Variants in ATP9B observed in about 807,000 individuals in gnomAD.
ATP9B encodes ATPase phospholipid transporting 9B, also known as probable phospholipid-transporting ATPase IIB.
In ATP9B, 110 loss-of-function variants were observed where a neutral mutation model predicts 146.1. The observed-to-expected ratio is 0.75, with a 90% CI of 0.65 to 0.88. ATP9B has a LOEUF of 0.88. ATP9B is among the 40% of genes least tolerant of loss of function. The pLI is 0.00. For missense variants in ATP9B, 1,499 were observed against 1,496.4 expected (o/e 1.00, Z -0.03); for synonymous variants, 604 against 569.7 (o/e 1.06, Z -0.86).
intron 19 of ATP9B, among the ~76,000 whole-genome samples, chr18:79,338,929 T>C (rs2096841655): frequency 6.6e-6 from 1 of 152,178 alleles, no homozygotes; most frequent in Admixed American, 6.5e-5. Context: ...CAACTTCAGT[T>C]AAAAAATACA....
intron 1 of ATP9B, among the ~76,000 whole-genome samples, chr18:79,076,589 G>A (rs1439497037): frequency 6.6e-6 from 1 of 151,886 alleles, no homozygotes; most frequent in African/African-American, 2.4e-5. Context: ...TTTTTTTTAA[G>A]TCTTTAGTTT....
At chr18:79,219,064 A>C (rs773667848) in intron 11 of ATP9B, among the ~76,000 whole-genome samples, 5 of 152,190 alleles carry the variant, frequency 3.3e-5, no homozygotes, top group Non-Finnish European at 7.3e-5. Flanking sequence ...CATTTTAGGG[A>C]GTGGCCAGTA....
rs192099251 is a variant in ATP9B at position 79,191,119 on chromosome 18, C to T, written c.874-2064C>T. ...TTGAATTCTGGCTTGACAAGTCTGC[C>T]TTCCACACCCTCCACCCCTCACTTT... On this transcript the variant is annotated intron_variant, in intron 8 of 29. Transcript: ENST00000426216. Among the ~76,000 whole-genome samples, 77 of 152,206 alleles carry T rather than the reference C, an allele frequency of 5.1e-4. 1 individual carries two copies. The highest frequency in any genetic ancestry group is 1.7e-3 in the African/African-American group (71 of 41,542).
chr18:79,308,687 C>T (rs542562664), intron 15 of ATP9B, among the ~76,000 whole-genome samples: 126 of 114,012 alleles, frequency 1.1e-3, no homozygotes, highest in African/African-American at 3.7e-3. Context: ...TGGAGTGATC[C>T]CCAGCAGGTA....
At chr18:79,279,289 G>A (rs774704687) in intron 13 of ATP9B, among the ~76,000 whole-genome samples, 8 of 152,100 alleles carry the variant, frequency 5.3e-5, no homozygotes, top group Admixed American at 1.3e-4. Context: ...TGCCCCTTAT[G>A]CAGAGTTCAC....
At chr18:79,342,726 C>T in intron 20 of ATP9B, among the ~76,000 whole-genome samples, 1 of 151,944 alleles carries the variant, frequency 6.6e-6, no homozygotes. Flanking sequence ...TTTGCTTATA[C>T]TATTAGTATT....
chr18:79,348,492 G>A (rs1296235995), intron 25 of ATP9B, among the ~76,000 whole-genome samples: 1 of 152,212 alleles, frequency 6.6e-6, no homozygotes, highest in African/African-American at 2.4e-5. Flanking sequence ...GAAGGCGGAG[G>A]GGCAGAGTGG....
At chr18:79,330,139 T>A in intron 17 of ATP9B, 35 bp downstream of exon 17, 1 of 1,582,200 alleles carries the variant, frequency 6.3e-7, no homozygotes, top group Non-Finnish European at 8.7e-7. Flanking sequence ...TCACAGTGTT[T>A]CTATGGAAGA....
intron 11 of ATP9B, among the ~76,000 whole-genome samples, chr18:79,222,933 AATCAATTG>A (rs940569827): frequency 2.0e-5 from 3 of 152,248 alleles, no homozygotes; most frequent in African/African-American, 7.2e-5. Context: ...GTTAAGGAAA[AATCAATTG>A]TGACAGGTTG....
At chr18:79,071,664 C>T (rs1461965954) in intron 1 of ATP9B, among the ~76,000 whole-genome samples, 1 of 152,020 alleles carries the variant, frequency 6.6e-6, no homozygotes, top group Non-Finnish European at 1.5e-5. Context: ...GCCATGGCTG[C>T]TAGCCTGCCA....
chr18:79,166,443 T>C (rs974034465), intron 7 of ATP9B, among the ~76,000 whole-genome samples: 5 of 152,136 alleles, frequency 3.3e-5, no homozygotes, highest in African/African-American at 4.8e-5. Context: ...GCTGGCCAAA[T>C]GATGCATGGT....
At chr18:79,309,572 G>GAT (rs2096640777) in intron 15 of ATP9B, among the ~76,000 whole-genome samples, 1 of 120,914 alleles carries the variant, frequency 8.3e-6, no homozygotes, top group African/African-American at 3.1e-5. Context: ...GAAGGTCAGG[G>GAT]GCTGAGGAGT....
At chr18:79,265,391 G>A (rs771813286) in intron 12 of ATP9B, among the ~76,000 whole-genome samples, 6 of 152,110 alleles carry the variant, frequency 3.9e-5, no homozygotes, top group Admixed American at 6.6e-5. Flanking sequence ...TGATCTGCCC[G>A]CCTCGGCCTC....
chr18:79,201,395 A>G (rs985043393), intron 9 of ATP9B, among the ~76,000 whole-genome samples: 1 of 152,172 alleles, frequency 6.6e-6, no homozygotes, highest in Admixed American at 6.5e-5. Flanking sequence ...CCTTTTTTAT[A>G]GTGTAATATA....
chr18:79,128,834 T>G (rs955224122), intron 5 of ATP9B, among the ~76,000 whole-genome samples: 5 of 152,100 alleles, frequency 3.3e-5, no homozygotes, highest in Admixed American at 2.6e-4. Context: ...ACTTCAGACC[T>G]CTAGAAAAGT....
At chr18:79,327,597 C>CCTCCGTGGTTAGTGTGCT (rs2096759694) in intron 15 of ATP9B, among the ~76,000 whole-genome samples, 1 of 66,174 alleles carries the variant, frequency 1.5e-5, no homozygotes, top group African/African-American at 6.3e-5. Context: ...GTTAACGTGC[C>CCTCCGTGGTTAGTGTGCT]CTCCGTGGTT....
At chr18:79,258,810 A>G (rs985456829) in intron 12 of ATP9B, among the ~76,000 whole-genome samples, 2 of 152,240 alleles carry the variant, frequency 1.3e-5, no homozygotes, top group African/African-American at 4.8e-5. Flanking sequence ...TCTCTCACTC[A>G]GGATGCAGTT....
chr18:79,293,701 T>G (rs2096527747), intron 13 of ATP9B, among the ~76,000 whole-genome samples: 1 of 152,220 alleles, frequency 6.6e-6, no homozygotes, highest in Non-Finnish European at 1.5e-5. Context: ...GAAAATGGAC[T>G]AAGACAGTTC....
intron 11 of ATP9B, among the ~76,000 whole-genome samples, chr18:79,250,998 T>C (rs2096017325): frequency 6.6e-6 from 1 of 152,102 alleles, no homozygotes. Flanking sequence ...CTTTGAAGAG[T>C]TTCTGTTGAA....
Sources: gnomAD v4.1 joint callset for allele counts (sites outside exome capture counted in the v4.1 genomes callset) on GRCh38, gnomAD v4.1.1 for gene constraint, MANE v1.5 for transcripts, NCBI Gene and HGNC (gene_info 2026-07-23, HGNC 2026-07-21) for gene names.